The following NOS3 variants were observed in gnomAD, a reference collection of about 807,000 sequenced individuals.
NOS3 encodes NOS type III.
A neutral mutation model predicts 144.9 loss-of-function variants in NOS3; 98 were observed. That is an observed-to-expected ratio of 0.68 (90% confidence interval 0.57 to 0.80). The LOEUF is 0.80. Among genes scored for constraint, NOS3 ranks in the 30% least tolerant of loss-of-function variants. The probability of loss-of-function intolerance (pLI) is 0.00; values close to 1 mark genes in which losing one functional copy is unlikely to be tolerated. For missense variants in NOS3, 1,465 were observed against 1,656.4 expected (o/e 0.88, Z 2.01); for synonymous variants, 714 against 702.4 (o/e 1.02, Z -0.26).
Position 150,993,564 on chromosome 7 carries a change from T to A in NOS3, c.-51-189T>A, listed in dbSNP as rs912709302. Among the ~76,000 whole-genome samples the A allele has an allele frequency of 6.6e-6, 1 of 151,756 alleles. No individual in the cohort carries two copies. Among genetic ancestry groups the A allele is most frequent in the African/African-American group, 2.4e-5 (1 of 41,276 alleles). On this transcript the variant is annotated intron_variant, in intron 1 of 26. Coordinates refer to ENST00000297494, the MANE Select transcript of NOS3 (RefSeq NM_000603.5). The surrounding 1 kb of genome is among the most constrained non-coding windows in gnomAD (Gnocchi z 4.0). ...CTGGGCTCCCACTTATCAGCCTCAG[T>A]CCTCACAGCGGAACCCAGGCGTCCG...
chr7:151,003,627 C>CA lies in NOS3; in HGVS notation c.1752+1324dup. ...TTTTCACCACCCTGGAAAGTTCCCT[C>CA]ATCAGTTCCTCACGTGAATCCCTTC... On this transcript the variant is annotated intron_variant, in intron 14 of 26. Transcript: ENST00000297494. This position sits in a 1 kb window ranked among gnomAD's most constrained non-coding sequence, Gnocchi z 4.1. 1 of 990,088 alleles carries CA rather than the reference C, an allele frequency of 1.0e-6. No individual in the cohort carries two copies. The highest frequency in any genetic ancestry group is 1.4e-6 in the Non-Finnish European group (1 of 701,810). The allele number at this position is 990,088 out of a possible 1,614,324, so 61.3% of individuals were successfully genotyped here.
rs1244429444 is a variant in NOS3 at position 150,996,895 on chromosome 7, C to T, written c.552C>T (p.Cys184=). 2.5e-6 allele frequency: 4 copies of T among 1,579,538 alleles called. No homozygotes were observed. The highest frequency in any genetic ancestry group is 1.2e-5 in the South Asian group (1 of 86,530). ...AKQAWRNAPR[C]VGRIQWGKLQ... is the part of the protein sequence containing the mutation. ...AGGCCTGGCGCAACGCTCCCCGCTGCGTGGGCCGGATCCAGTGGGGGAAGC... is the reference window on the plus strand; with the variant it reads ...AGGCCTGGCGCAACGCTCCCCGCTGTGTGGGCCGGATCCAGTGGGGGAAGC... Residue 184 remains cysteine, a synonymous_variant, in exon 5 of 27, where the codon TGC becomes TGT. Coordinates refer to ENST00000297494, the MANE Select transcript of NOS3 (RefSeq NM_000603.5).
chr7:151,009,001 G>A lies in NOS3; in HGVS notation c.2184G>A (p.Arg728=). The change falls in exon 18 of 27, where the codon CGG becomes CGA. Residue 728 remains arginine (R), a synonymous_variant. Coordinates refer to ENST00000297494, the MANE Select transcript of NOS3 (RefSeq NM_000603.5). The stretch of plus-strand genomic sequence containing the variant: ...CCCGAGACATCTTCAGCCCCAAACG[G>A]AGCTGGAAGCGCCAGAGGTACCGGC... ...AAARDIFSPK[R]SWKRQRYRLS... 6.2e-7 allele frequency: 1 copy of A among 1,611,918 alleles called. No individual in the cohort carries two copies. Among genetic ancestry groups the A allele is most frequent in the Non-Finnish European group, 8.5e-7 (1 of 1,179,494 alleles).
chr7:151,013,888 CGAGGCCGGCGACGTCATCG>C lies in NOS3; in HGVS notation c.3422_3440del (p.Glu1141AlafsTer23). On this transcript the variant is annotated frameshift_variant, in exon 26 of 27. Transcript: ENST00000297494. LOFTEE classifies it high-confidence loss of function. ...CGACGGAGGGCGACATGGAGCTGGA[CGAGGCCGGCGACGTCATCG>C]GCGTGCTGCGGGTGCGGAGGGGCGG... 2 of 1,600,176 alleles carry C rather than the reference CGAGGCCGGCGACGTCATCG, an allele frequency of 1.2e-6. No homozygotes were observed. The highest frequency in any genetic ancestry group is 1.7e-6 in the Non-Finnish European group (2 of 1,173,718).
rs1802479295 is a variant in NOS3, at chr7:150,998,293, G to A, written c.583-64G>A. ...CCTCCTCACCAGCAGCTCCTCTGGA[G>A]CTGATACTCAAGACCCCCCGTCTCT... is the stretch of plus-strand genomic sequence containing the variant. On this transcript the variant is annotated intron_variant, in intron 5 of 26. Coordinates refer to ENST00000297494, the MANE Select transcript of NOS3 (RefSeq NM_000603.5). This position sits in a 1 kb window ranked among gnomAD's most constrained non-coding sequence, Gnocchi z 5.0. 1 of 1,461,422 alleles carries A rather than the reference G, an allele frequency of 6.8e-7. No individual in the cohort carries two copies. Among genetic ancestry groups the A allele is most frequent in the Non-Finnish European group, 9.4e-7 (1 of 1,060,076 alleles). 90.5% of individuals were successfully genotyped at this position (1,461,422 alleles called of 1,614,324 possible).
At position 151,003,975 on chromosome 7, in the gene NOS3, A is replaced by G. The variant is rs1795167589; in HGVS notation, c.1752+1671A>G. ...GCTTATGTTTTTATTTCTCTTGGGT[A>G]AATACCTAGGAGTAGAATTGGTAGG... On this transcript the variant is annotated intron_variant, in intron 14 of 26. Transcript: ENST00000297494. The surrounding 1 kb of genome is among the most constrained non-coding windows in gnomAD (Gnocchi z 4.1). 3.1e-6 allele frequency: 1 copy of G among 326,690 alleles called. No individual in the cohort carries two copies. Among genetic ancestry groups the G allele is most frequent in the African/African-American group, 2.2e-5 (1 of 45,556 alleles). 20.2% of individuals were successfully genotyped at this position (326,690 alleles called of 1,614,324 possible).
chr7:150,991,355 C>CTGGG (rs1802251821), intron 1 of NOS3, 55 bp downstream of exon 1: 1 of 152,364 alleles, frequency 6.6e-6, no homozygotes, highest in East Asian at 1.9e-4. Flanking sequence ...GCTGCCCAGG[C>CTGGG]TGGGCCTCAA....
In NOS3 at chr7:150,993,032, G is replaced by A. The variant is rs1296345257; in HGVS notation, c.-51-721G>A. ...AGCCCTAGTCTCTCTGCTGACCTGCGGCCCCGGGAAGCGTGCGTCACTGAA... is the reference window on the plus strand; with the variant it reads ...AGCCCTAGTCTCTCTGCTGACCTGCAGCCCCGGGAAGCGTGCGTCACTGAA... On this transcript the variant is annotated intron_variant, in intron 1 of 26. Coordinates refer to ENST00000297494, the MANE Select transcript of NOS3 (RefSeq NM_000603.5). The surrounding 1 kb of genome is among the most constrained non-coding windows in gnomAD (Gnocchi z 4.0). Among the ~76,000 whole-genome samples the A allele has an allele frequency of 2.0e-5, 3 of 152,140 alleles. No homozygotes were observed. Among genetic ancestry groups the A allele is most frequent in the African/African-American group, 4.8e-5 (2 of 41,422 alleles).
chr7:151,009,104 C>A, intron 18 of NOS3, 42 bp downstream of exon 18: 1 of 1,612,710 alleles, frequency 6.2e-7, no homozygotes, highest in Non-Finnish European at 8.5e-7. Context: ...TTCTCTGAGG[C>A]CCCCACACCC....
chr7:151,004,748 G>A (rs60848465), intron 14 of NOS3, among the ~76,000 whole-genome samples: 2 of 152,190 alleles, frequency 1.3e-5, no homozygotes, highest in African/African-American at 2.4e-5. Flanking sequence ...ACTAATCCAC[G>A]GAGTTAGAAA....
Position 151,013,886 on chromosome 7 carries a change from G to A in NOS3, c.3418G>A (p.Asp1140Asn). Residue 1140 changes from aspartate to asparagine, a missense_variant, in exon 26 of 27, where the codon GAC becomes AAC. Asp to Asn is a conservative substitution (Grantham distance 23, BLOSUM62 1). Transcript: ENST00000297494. ...GGCGACGGAGGGCGACATGGAGCTG[G>A]ACGAGGCCGGCGACGTCATCGGCGT... ...ILATEGDMEL[D>N]EAGDVIGVLR... is the part of the protein sequence containing the mutation. 6.2e-7 allele frequency: 1 copy of A among 1,601,222 alleles called. No homozygotes were observed. Among genetic ancestry groups the A allele is most frequent in the Non-Finnish European group, 8.5e-7 (1 of 1,174,312 alleles).
chr7:150,997,879 C>T (rs1429736101), intron 5 of NOS3, among the ~76,000 whole-genome samples: 1 of 152,180 alleles, frequency 6.6e-6, no homozygotes, highest in Non-Finnish European at 1.5e-5. Flanking sequence ...CTCCCAGCCT[C>T]CTCCTGGGGC....
Position 151,007,287 on chromosome 7 carries a change from C to T in NOS3, c.2112+11C>T. 1 of 1,588,752 alleles carries T rather than the reference C, an allele frequency of 6.3e-7. No individual in the cohort carries two copies. The highest frequency in any genetic ancestry group is 8.5e-7 in the Non-Finnish European group (1 of 1,172,676). On this transcript the variant is annotated intron_variant, in intron 17 of 26. Transcript: ENST00000297494. ...CAGGCTGCCTTCCAGGTGAGCCCAGCCCAGCCCCTGCTCTGACTCCTGCCC... is the reference window on the plus strand; with the variant it reads ...CAGGCTGCCTTCCAGGTGAGCCCAGTCCAGCCCCTGCTCTGACTCCTGCCC...
Position 150,993,986 on chromosome 7 carries a change from G to C in NOS3, c.158+25G>C. ...GGTAAGGGCCAGGCAGCTAGGAGCA[G>C]GTGGGCAACAAGGGTGGTGTCAAGG... is the stretch of plus-strand genomic sequence containing the variant. On this transcript the variant is annotated intron_variant, in intron 2 of 26. Transcript: ENST00000297494. This position sits in a 1 kb window ranked among gnomAD's most constrained non-coding sequence, Gnocchi z 4.0. 6.5e-7 allele frequency: 1 copy of C among 1,543,558 alleles called. No individual in the cohort carries two copies. Among genetic ancestry groups the C allele is most frequent in the Non-Finnish European group, 8.7e-7 (1 of 1,149,028 alleles).
chr7:150,998,773 G>GGTGAGATAAA lies in NOS3; in HGVS notation c.816+94_816+95insTGAGATAAAG. On this transcript the variant is annotated intron_variant, in intron 7 of 26. Transcript: ENST00000297494. This position sits in a 1 kb window ranked among gnomAD's most constrained non-coding sequence, Gnocchi z 5.0. ...CTCGGGGGATCCAGGCAGGAAGAGGGGAGCCTCGGTGAGATAAAGGATGAA... is the reference window on the plus strand; with the variant it reads ...CTCGGGGGATCCAGGCAGGAAGAGGGGTGAGATAAAGAGCCTCGGTGAGATAAAGGATGAA... The GGTGAGATAAA allele has an allele frequency of 6.6e-7, 1 of 1,507,828 alleles. No homozygotes were observed. The highest frequency in any genetic ancestry group is 9.0e-7 in the Non-Finnish European group (1 of 1,115,550). 93.4% of individuals were successfully genotyped at this position (1,507,828 alleles called of 1,614,324 possible). A position where few individuals can be genotyped will look rare whatever the true frequency, so the allele number is the denominator to read the frequency against.
chr7:151,014,501 C>T lies in NOS3; in HGVS notation c.*332C>T. On this transcript the variant is annotated 3_prime_UTR_variant, in exon 27 of 27. Transcript: ENST00000297494. ...GAGTATCTTACCTGTAAAGTCTAAT[C>T]TCTAAATCAAGTATTTATTATTGAA... is the stretch of plus-strand genomic sequence containing the variant. 6.2e-6 allele frequency: 2 copies of T among 321,144 alleles called. No individual in the cohort carries two copies. The highest frequency in any genetic ancestry group is 5.7e-6 in the Non-Finnish European group (1 of 175,632). 19.9% of individuals were successfully genotyped at this position (321,144 alleles called of 1,614,324 possible). A position where few individuals can be genotyped will look rare whatever the true frequency, so the allele number is the denominator to read the frequency against.
In NOS3 at chr7:151,003,181, A is replaced by C. The variant is rs1441608470; in HGVS notation, c.1752+877A>C. 2 of 453,662 alleles carry C rather than the reference A, an allele frequency of 4.4e-6. No individual in the cohort carries two copies. Among genetic ancestry groups the C allele is most frequent in the Non-Finnish European group, 8.8e-6 (2 of 226,678 alleles). 28.1% of individuals were successfully genotyped at this position (453,662 alleles called of 1,614,324 possible). Reference sequence around the variant, plus strand: ...CACTTTGTGGCCCAGGCTGGAGTGCAGTAGTACAATCACGGCTCACTGCAG... The same window carrying C: ...CACTTTGTGGCCCAGGCTGGAGTGCCGTAGTACAATCACGGCTCACTGCAG... On this transcript the variant is annotated intron_variant, in intron 14 of 26. Transcript: ENST00000297494. The surrounding 1 kb of genome is among the most constrained non-coding windows in gnomAD (Gnocchi z 4.1).
In NOS3 at chr7:151,010,920, A is replaced by T. The variant is rs766425571; in HGVS notation, c.2918A>T (p.Tyr973Phe). ...CCAGATGGGCTGGGCCCCCTGCACT[A>T]TGGAGTCTGCTCCACGTGGCTAAGC... ...RTQDGLGPLH[Y>F]GVCSTWLSQL... is the part of the protein sequence containing the mutation. The change falls in exon 23 of 27, where the codon TAT becomes TTT. Residue 973 changes from tyrosine (Y) to phenylalanine (F), a missense_variant. Physicochemically the swap from Tyr to Phe is conservative, Grantham distance 22 (BLOSUM62 3). Around this residue, in one of 5 missense-constraint regions of NOS3, gnomAD observed 106 missense variants for 167.7 expected, o/e 0.63. Transcript: ENST00000297494. 1 of 1,613,864 alleles carries T rather than the reference A, an allele frequency of 6.2e-7. No individual in the cohort carries two copies. Among genetic ancestry groups the T allele is most frequent in the Non-Finnish European group, 8.5e-7 (1 of 1,179,894 alleles).
At chr7:151,009,630 C>T (rs1301412821) in intron 20 of NOS3, 45 bp downstream of exon 20, 15 of 1,438,960 alleles carry the variant, frequency 1.0e-5, no homozygotes, top group Non-Finnish European at 1.2e-5. Context: ...AGCCCCATGC[C>T]CAGCCCCACC....
Sources: allele counts gnomAD v4.1 joint callset (sites outside exome capture counted in the v4.1 genomes callset), GRCh38; gene constraint gnomAD v4.1.1; regional missense constraint gnomAD v4.1.1; non-coding constraint Gnocchi (gnomAD v3.1); transcripts MANE v1.5; gene names NCBI Gene and HGNC (gene_info 2026-07-23, HGNC 2026-07-21).